Variants in SLC22A15 observed in about 807,000 individuals in gnomAD.
SLC22A15 encodes the protein solute carrier family 22 member 15.
SLC22A15 carries 45 observed loss-of-function variants against 62.7 expected under a neutral mutation model. The observed-to-expected ratio is 0.72, with a 90% CI of 0.56 to 0.92. The LOEUF is 0.92. Ranked by LOEUF, SLC22A15 falls within the 40% of genes least tolerant of loss-of-function variation. SLC22A15 has a pLI of 0.00. For missense variants in SLC22A15, 622 were observed against 665.6 expected, an observed-to-expected ratio of 0.93 and a Z score of 0.72; for synonymous variants, 264 against 267.0, an observed-to-expected ratio of 0.99 and a Z score of 0.11.
At position 115,986,462 on chromosome 1, in the gene SLC22A15, A is replaced by G. The variant is rs116421114; in HGVS notation, c.88-5569A>G. Among the ~76,000 whole-genome samples, 448 of 152,312 alleles carry G rather than the reference A, an allele frequency of 2.9e-3. 1 individual carries two copies. The highest frequency in any genetic ancestry group is 5.6e-3 in the Admixed American group (86 of 15,306). ...CCCCCGTAAATAATACAGCCAACTA[A>G]TGCTTTGGAAATTAAGAAGGGAGAC... is the stretch of plus-strand genomic sequence containing the variant. On this transcript the variant is annotated intron_variant, in intron 1 of 11. Coordinates refer to ENST00000369503, the MANE Select transcript of SLC22A15 (RefSeq NM_018420.3).
chr1:116,057,501 AT>A (rs1275365322), intron 8 of SLC22A15, among the ~76,000 whole-genome samples: 1 of 152,198 alleles, frequency 6.6e-6, no homozygotes, highest in African/African-American at 2.4e-5. Flanking sequence ...CAGTGTGGCG[AT>A]TCCTCAGGGA....
chr1:116,003,967 G>A (rs1314421659), intron 2 of SLC22A15, among the ~76,000 whole-genome samples: 2 of 152,172 alleles, frequency 1.3e-5, no homozygotes, highest in Non-Finnish European at 2.9e-5. Flanking sequence ...CTGAACCTTA[G>A]GCCTCCCAGA....
chr1:115,982,899 G>A (rs1654683284), intron 1 of SLC22A15, among the ~76,000 whole-genome samples: 1 of 152,144 alleles, frequency 6.6e-6, no homozygotes, highest in African/African-American at 2.4e-5. Flanking sequence ...CCTCTTGCTA[G>A]GGATATCTTT....
chr1:116,066,920 C>T lies in SLC22A15; in HGVS notation c.1555-99C>T, dbSNP rs1658513559. The T allele has an allele frequency of 2.4e-5, 25 of 1,024,806 alleles. No homozygotes were observed. The South Asian group carries it at 3.6e-4, about 15-fold the overall frequency. 63.5% of individuals were successfully genotyped at this position (1,024,806 alleles called of 1,614,324 possible). A position where few individuals can be genotyped will look rare whatever the true frequency, so the allele number is the denominator to read the frequency against. On this transcript the variant is annotated intron_variant, in intron 11 of 11. Transcript: ENST00000369503. ...GGCTATTTCTTGGGGGAATGAATGT[C>T]ATATAAATACATTTGTCAGTTGAAT... is the stretch of plus-strand genomic sequence containing the variant.
At chr1:116,051,639 A>G (rs1160687658) in intron 8 of SLC22A15, among the ~76,000 whole-genome samples, 3 of 152,226 alleles carry the variant, frequency 2.0e-5, no homozygotes, top group African/African-American at 4.8e-5. Flanking sequence ...AAACCCTTCT[A>G]GATATTGGCT....
intron 4 of SLC22A15, among the ~76,000 whole-genome samples, chr1:116,023,555 T>A (rs189376089): frequency 2.0e-3 from 298 of 152,304 alleles, no homozygotes; most frequent in Non-Finnish European, 3.1e-3. Context: ...TTAAACGGAT[T>A]CTGCCATGTA....
At chr1:115,984,790 C>G (rs147835256) in intron 1 of SLC22A15, among the ~76,000 whole-genome samples, 133 of 152,148 alleles carry the variant, frequency 8.7e-4, no homozygotes, top group African/African-American at 3.1e-3. Context: ...GATCCTGACT[C>G]TGTGTAGGTC....
rs535546535 is a variant in SLC22A15 at position 115,993,929 on chromosome 1, G to A, written c.300+1686G>A. 3.3e-5 allele frequency among the ~76,000 whole-genome samples: 5 copies of A among 152,004 alleles called. No homozygotes were observed. In the South Asian group the frequency reaches 6.2e-4, roughly 19 times the overall value. ...TATTATTGTCAGGAAAGCCCTCACC[G>A]CTTGCCCTGGCTTCCACCTGGTGAA... On this transcript the variant is annotated intron_variant, in intron 2 of 11. Transcript: ENST00000369503.
intron 8 of SLC22A15, among the ~76,000 whole-genome samples, chr1:116,045,939 A>G (rs1461738056): frequency 6.6e-6 from 1 of 152,106 alleles, no homozygotes; most frequent in Non-Finnish European, 1.5e-5. Context: ...TAATATACAT[A>G]CAGAAAAATG....
At chr1:116,056,386 C>G (rs1349920987) in intron 8 of SLC22A15, among the ~76,000 whole-genome samples, 1 of 147,030 alleles carries the variant, frequency 6.8e-6, no homozygotes, top group Non-Finnish European at 1.5e-5. Flanking sequence ...CTACAAACCA[C>G]TGCTCAATGA....
intron 5 of SLC22A15, among the ~76,000 whole-genome samples, chr1:116,029,858 C>A (rs1184431194): frequency 6.6e-6 from 1 of 151,838 alleles, no homozygotes; most frequent in East Asian, 1.9e-4. Flanking sequence ...CTTTTTTATT[C>A]CTCCCAATCC....
chr1:116,031,307 C>T, intron 5 of SLC22A15, 59 bp from the exon 6 acceptor site: 2 of 1,318,252 alleles, frequency 1.5e-6, no homozygotes, highest in South Asian at 2.5e-5. Flanking sequence ...GGTGATTTGT[C>T]TCCTTCCTGT....
chr1:116,067,288 A>ATG lies in SLC22A15; in HGVS notation c.*180_*181insTG. 1.7e-6 allele frequency: 1 copy of ATG among 587,814 alleles called. No individual in the cohort carries two copies. Among genetic ancestry groups the ATG allele is most frequent in the Admixed American group, 3.0e-5 (1 of 33,432 alleles). 36.4% of individuals were successfully genotyped at this position (587,814 alleles called of 1,614,324 possible). A position where few individuals can be genotyped will look rare whatever the true frequency, so the allele number is the denominator to read the frequency against. On this transcript the variant is annotated 3_prime_UTR_variant, in exon 12 of 12. Transcript: ENST00000369503. The stretch of plus-strand genomic sequence containing the variant: ...GAAGTTGGAGAAGAGATTTCATGAA[A>ATG]GACAACATCACTGCATTGAGAGAAT...
At chr1:116,048,013 A>G (rs1199507913) in intron 8 of SLC22A15, among the ~76,000 whole-genome samples, 3 of 152,164 alleles carry the variant, frequency 2.0e-5, no homozygotes, top group Admixed American at 6.5e-5. Context: ...TTTTGAATTA[A>G]CCCAATCCAA....
intron 8 of SLC22A15, among the ~76,000 whole-genome samples, chr1:116,060,723 T>G (rs1658360356): frequency 6.6e-6 from 1 of 152,216 alleles, no homozygotes; most frequent in African/African-American, 2.4e-5. Context: ...TTGGTTTAAG[T>G]GAAAATGTTG....
chr1:116,064,504 C>G lies in SLC22A15; in HGVS notation c.1361C>G (p.Ser454Ter). Residue 454 changes from serine (S) to a stop codon, truncating the protein, a stop_gained, in exon 10 of 12, where the codon TCA becomes TGA. Coordinates refer to ENST00000369503, the MANE Select transcript of SLC22A15 (RefSeq NM_018420.3). LOFTEE classifies it high-confidence loss of function. The part of the protein sequence containing the change: ...VGGIIAPFIP[S>*]LKYVQWSLPF... ...GGGATTATTGCTCCCTTCATCCCCT[C>G]ACTGGTTGGTTTGTACCTTCTAGTT... is the stretch of plus-strand genomic sequence containing the variant. 1 of 1,610,968 alleles carries G rather than the reference C, an allele frequency of 6.2e-7. No homozygotes were observed. The highest frequency in any genetic ancestry group is 8.5e-7 in the Non-Finnish European group (1 of 1,177,238).
At chr1:115,993,875 C>T (rs1655284747) in intron 2 of SLC22A15, among the ~76,000 whole-genome samples, 1 of 152,062 alleles carries the variant, frequency 6.6e-6, no homozygotes, top group Non-Finnish European at 1.5e-5. Context: ...TACTATTTCC[C>T]ACACATGACC....
chr1:115,996,879 T>C (rs1655454493), intron 2 of SLC22A15, among the ~76,000 whole-genome samples: 1 of 152,146 alleles, frequency 6.6e-6, no homozygotes, highest in South Asian at 2.1e-4. Flanking sequence ...TCTAGGTGCT[T>C]TTTGACGATT....
Position 116,069,416 on chromosome 1 carries a change from A to G in SLC22A15, c.*2308A>G, listed in dbSNP as rs1012192480. ...TTGGAAAACTTTTCATTGACAGGTA[A>G]TGTATTTTGGTTGTGCGGATGGTTT... On this transcript the variant is annotated 3_prime_UTR_variant, in exon 12 of 12. Transcript: ENST00000369503. 2.0e-5 allele frequency: 3 copies of G among 152,130 alleles called. No individual in the cohort carries two copies. The highest frequency in any genetic ancestry group is 4.4e-5 in the Non-Finnish European group (3 of 68,024). 9.4% of individuals were successfully genotyped at this position (152,130 alleles called of 1,614,324 possible).
Sources: allele counts gnomAD v4.1 joint callset (sites outside exome capture counted in the v4.1 genomes callset), GRCh38; gene constraint gnomAD v4.1.1; transcripts MANE v1.5; gene names NCBI Gene and HGNC (gene_info 2026-07-23, HGNC 2026-07-21).